The following HEXA variants were observed in gnomAD, a reference collection of about 807,000 sequenced individuals.
The protein encoded by HEXA is hexosaminidase subunit alpha.
A neutral mutation model predicts 73.3 loss-of-function variants in HEXA; 54 were observed. The observed-to-expected ratio is 0.74, with a 90% CI of 0.59 to 0.92. HEXA has a LOEUF of 0.92. Among genes scored for constraint, HEXA ranks in the 40% least tolerant of loss-of-function variants. HEXA has a pLI of 0.00. For missense variants in HEXA, 649 were observed against 653.0 expected, an observed-to-expected ratio of 0.99 and a Z score of 0.07; for synonymous variants, 230 against 246.9, an observed-to-expected ratio of 0.93 and a Z score of 0.64.
rs555943670 is a variant in HEXA, at chr15:72,366,422, C to T, written c.253+9298G>A. On this transcript the variant is annotated intron_variant, in intron 1 of 13. Coordinates refer to ENST00000268097, the MANE Select transcript of HEXA (RefSeq NM_000520.6). ...CTCCCAGGCTCAAGTGATCCTCCTA[C>T]CTCAGCCTCCTAAGTAGCTGGGATT... Among the ~76,000 whole-genome samples, 271 of 152,080 alleles carry T rather than the reference C, an allele frequency of 1.8e-3. 1 individual carries two copies. In the Middle Eastern group the frequency reaches 0.02, roughly 11 times the overall value.
intron 7 of HEXA, 90 bp downstream of exon 7, chr15:72,350,428 T>G: frequency 7.4e-7 from 1 of 1,357,736 alleles, no homozygotes; most frequent in Non-Finnish European, 1.1e-6. Context: ...GGACCAAGGC[T>G]GGGATATGCC....
In HEXA at chr15:72,343,768, G is replaced by T. The variant is rs1415288026; in HGVS notation, c.*309C>A. 1 of 388,486 alleles carries T rather than the reference G, an allele frequency of 2.6e-6. No homozygotes were observed. The highest frequency in any genetic ancestry group is 4.9e-6 in the Non-Finnish European group (1 of 202,758). 24.1% of individuals were successfully genotyped at this position (388,486 alleles called of 1,614,324 possible). A position where few individuals can be genotyped will look rare whatever the true frequency, so the allele number is the denominator to read the frequency against. The stretch of plus-strand genomic sequence containing the variant: ...AAGGCAGAACAGCACAAAGGCTATA[G>T]GTTTCATTCCCAGCCCTCAACTTAA... On this transcript the variant is annotated 3_prime_UTR_variant, in exon 14 of 14. Coordinates refer to ENST00000268097, the MANE Select transcript of HEXA (RefSeq NM_000520.6).
Position 72,375,973 on chromosome 15 carries a change from G to C in HEXA, c.-1C>G. On this transcript the variant is annotated 5_prime_UTR_variant, in exon 1 of 14. Transcript: ENST00000268097. The stretch of plus-strand genomic sequence containing the variant: ...AAAACCAAAGCCTGGAGCTTGTCAT[G>C]GCCCGCTGGTCTCCCCTCTCGGAGG... 1 of 1,613,342 alleles carries C rather than the reference G, an allele frequency of 6.2e-7. No homozygotes were observed. The highest frequency in any genetic ancestry group is 2.2e-5 in the East Asian group (1 of 44,880).
intron 7 of HEXA, among the ~76,000 whole-genome samples, chr15:72,349,995 C>G (rs2088674486): frequency 6.6e-6 from 1 of 152,158 alleles, no homozygotes; most frequent in South Asian, 2.1e-4. Context: ...AACTCCTGAC[C>G]TCAGGTGATC....
intron 6 of HEXA, 106 bp from the exon 7 acceptor site, chr15:72,350,756 A>G: frequency 7.7e-7 from 1 of 1,300,710 alleles, no homozygotes; most frequent in Non-Finnish European, 1.1e-6. Flanking sequence ...AAACCTGCCC[A>G]TAGCCCTTTG....
chr15:72,345,261 T>G, intron 13 of HEXA, 185 bp downstream of exon 13: 2 of 1,156,580 alleles, frequency 1.7e-6, no homozygotes, highest in Non-Finnish European at 1.2e-6. Flanking sequence ...ATTTGTACCA[T>G]TTTTTGTTGT....
At chr15:72,345,824 C>T in intron 12 of HEXA, 1 of 548,042 alleles carries the variant, frequency 1.8e-6, no homozygotes, top group East Asian at 3.2e-5. Context: ...TCATTAACCA[C>T]AATGACAGTG....
intron 1 of HEXA, among the ~76,000 whole-genome samples, chr15:72,373,324 C>T (rs1354904032): frequency 6.6e-6 from 1 of 152,182 alleles, no homozygotes; most frequent in Non-Finnish European, 1.5e-5. Flanking sequence ...CTATTTGTTT[C>T]CCATGCTATT....
chr15:72,355,849 T>C, intron 2 of HEXA: 1 of 597,084 alleles, frequency 1.7e-6, no homozygotes, highest in East Asian at 3.5e-5. Context: ...CTGTAGACCC[T>C]GGATGATGAT....
intron 1 of HEXA, chr15:72,362,344 A>C (rs1246135162): frequency 7.3e-6 from 3 of 411,434 alleles, no homozygotes; most frequent in Non-Finnish European, 1.5e-5. Context: ...CACTTTTCTT[A>C]AGATATGCTG....
At position 72,345,434 on chromosome 15, in the gene HEXA, C is replaced by T. The variant is rs370449921; in HGVS notation, c.1526+12G>A. ...CCTGCTCCGCCTTGCGAAGGCCCCA[C>T]AGCTTGCTTACCTCAGCAATTCACA... On this transcript the variant is annotated intron_variant, in intron 13 of 13. Transcript: ENST00000268097. The T allele has an allele frequency of 2.9e-5, 47 of 1,614,012 alleles. No individual in the cohort carries two copies. Among genetic ancestry groups the T allele is most frequent in the Non-Finnish European group, 3.8e-5 (45 of 1,179,998 alleles).
rs751185874 is a variant in HEXA at position 72,346,627 on chromosome 15, G to A, written c.1230C>T (p.Ala410=). ...YMKELELVTK[A]GFRALLSAPW... ...GGGCAGAGAGAAGGGCCCGGAAGCC[G>A]GCCTTGGTGACCAGTTCCAGCTCCT... is the stretch of plus-strand genomic sequence containing the variant. Residue 410 remains alanine, a synonymous_variant, in exon 11 of 14, where the codon GCC becomes GCT. Coordinates refer to ENST00000268097, the MANE Select transcript of HEXA (RefSeq NM_000520.6). 22 of 1,613,914 alleles carry A rather than the reference G, an allele frequency of 1.4e-5. No individual in the cohort carries two copies. The highest frequency in any genetic ancestry group is 2.7e-5 in the African/African-American group (2 of 74,902).
In HEXA at chr15:72,346,564, C is replaced by T; in HGVS notation, c.1293G>A (p.Trp431Ter). 1 of 1,614,078 alleles carries T rather than the reference C, an allele frequency of 6.2e-7. No homozygotes were observed. Among genetic ancestry groups the T allele is most frequent in the Non-Finnish European group, 8.5e-7 (1 of 1,179,970 alleles). Residue 431 changes from tryptophan to a stop codon, truncating the protein, a stop_gained, in exon 11 of 14, where the codon TGG becomes TGA. Transcript: ENST00000268097. LOFTEE classifies it high-confidence loss of function. ...GGGGTTCCACTATGTAGAAATCCTT[C>T]CAGTCAGGGCCATAGGATATACGGT... Reference protein sequence around the residue: ...YLNRISYGPDWKDFYIVEPLA... With the variant: ...YLNRISYGPD
intron 1 of HEXA, among the ~76,000 whole-genome samples, chr15:72,366,575 T>A (rs2088918903): frequency 6.6e-6 from 1 of 152,014 alleles, no homozygotes; most frequent in Non-Finnish European, 1.5e-5. Context: ...CCTCCCAAAG[T>A]GCTGGGATTA....
rs371638985 is a variant in HEXA, at chr15:72,352,109, A to C, written c.571-875T>G. Among the ~76,000 whole-genome samples the C allele has an allele frequency of 5.9e-4, 90 of 152,280 alleles. 2 individuals are homozygous for C. Among genetic ancestry groups the C allele is most frequent in the African/African-American group, 2.0e-3 (82 of 41,572 alleles). ...GTAGCTGGGACTACAGGTTTGCGCC[A>C]TCGCGCCTGGCTAATTTTTTGTATT... On this transcript the variant is annotated intron_variant, in intron 5 of 13. Transcript: ENST00000268097.
intron 10 of HEXA, 119 bp from the exon 11 acceptor site, chr15:72,346,829 G>A: frequency 2.1e-6 from 2 of 945,366 alleles, no homozygotes; most frequent in East Asian, 2.4e-5. Flanking sequence ...CAGCAGCAAA[G>A]TATGTCTCTG....
chr15:72,355,229 T>TA (rs896986682), intron 3 of HEXA: 1 of 359,016 alleles, frequency 2.8e-6, no homozygotes, highest in Non-Finnish European at 5.4e-6. Flanking sequence ...ATTGTTCCCA[T>TA]AAAAAAAGCT....
At chr15:72,348,177 G>A (rs1351616231) in intron 8 of HEXA, 43 bp from the exon 9 acceptor site, 2 of 1,398,128 alleles carry the variant, frequency 1.4e-6, no homozygotes, top group African/African-American at 1.4e-5. Context: ...TCAACATCCT[G>A]AAAGCCTAAT....
At chr15:72,349,031 G>A (rs1208507102) in intron 8 of HEXA, 48 bp downstream of exon 8, 1 of 1,504,994 alleles carries the variant, frequency 6.6e-7, no homozygotes, top group South Asian at 1.1e-5. Context: ...CTTCTATTCT[G>A]AGTAAGCAAC....
Sources: allele counts gnomAD v4.1 joint callset (sites outside exome capture counted in the v4.1 genomes callset), GRCh38; gene constraint gnomAD v4.1.1; transcripts MANE v1.5; gene names NCBI Gene and HGNC (gene_info 2026-07-23, HGNC 2026-07-21).